The following NRXN1 variants were observed in gnomAD, a reference collection of about 807,000 sequenced individuals.
The protein encoded by NRXN1 is neurexin 1, also known as neurexin-1.
NRXN1 carries 39 observed loss-of-function variants against 150.9 expected under a neutral mutation model. The observed-to-expected ratio is 0.26, with a 90% CI of 0.20 to 0.34. NRXN1 has a LOEUF of 0.34. Ranked by LOEUF, NRXN1 falls within the 10% of genes least tolerant of loss-of-function variation. The pLI, the probability that NRXN1 is intolerant of heterozygous loss-of-function variation, is 1.00. For missense variants in NRXN1, 1,815 were observed against 1,949.9 expected, an observed-to-expected ratio of 0.93 and a Z score of 1.30; for synonymous variants, 924 against 757.0, an observed-to-expected ratio of 1.22 and a Z score of -3.62.
At chr2:50,778,759 G>A (rs1383708593) in intron 5 of NRXN1, among the ~76,000 whole-genome samples, 1 of 152,176 alleles carries the variant, frequency 6.6e-6, no homozygotes, top group Non-Finnish European at 1.5e-5. Flanking sequence ...ATGTGCATAT[G>A]TTTGTGCAAG....
chr2:50,577,607 G>A (rs992978347), intron 8 of NRXN1, among the ~76,000 whole-genome samples: 1 of 151,970 alleles, frequency 6.6e-6, no homozygotes, highest in African/African-American at 2.4e-5. Context: ...CAATAAAGGA[G>A]AATATACTCC....
intron 5 of NRXN1, among the ~76,000 whole-genome samples, chr2:50,801,670 G>A (rs1707617448): frequency 6.6e-6 from 1 of 151,968 alleles, no homozygotes. Flanking sequence ...TATATAATAG[G>A]TTTCCTAAAT....
At chr2:50,903,125 A>C (rs1007044559) in intron 5 of NRXN1, among the ~76,000 whole-genome samples, 2 of 152,184 alleles carry the variant, frequency 1.3e-5, no homozygotes, top group African/African-American at 4.8e-5. Flanking sequence ...TAATGTTACC[A>C]GGAAGAATAA....
chr2:50,247,105 T>G (rs1309619605), intron 17 of NRXN1, among the ~76,000 whole-genome samples: 1 of 152,062 alleles, frequency 6.6e-6, no homozygotes, highest in African/African-American at 2.4e-5. Context: ...TGATGGAGTA[T>G]CTGCAGCTAT....
chr2:50,661,060 T>G (rs571722540), intron 5 of NRXN1, among the ~76,000 whole-genome samples: 1 of 147,056 alleles, frequency 6.8e-6, no homozygotes, highest in East Asian at 2.1e-4. Flanking sequence ...ACCTCAAGTA[T>G]CAAGTGGTTA....
At chr2:50,266,317 C>G (rs1207119365) in intron 17 of NRXN1, among the ~76,000 whole-genome samples, 3 of 149,760 alleles carry the variant, frequency 2.0e-5, no homozygotes, top group African/African-American at 7.3e-5. Context: ...ATTTTGAGAT[C>G]ACTTGACTCC....
In NRXN1 at chr2:51,028,580, A is replaced by G. The variant is rs1000315468; in HGVS notation, c.-307T>C. 3.1e-5 allele frequency: 10 copies of G among 323,590 alleles called. No homozygotes were observed. The highest frequency in any genetic ancestry group is 2.1e-4 in the African/African-American group (10 of 46,926). The allele number at this position is 323,590 out of a possible 1,614,324, so 20.0% of individuals were successfully genotyped here. ...CAACGTTCTGGAAAAGGCTTCAACAAAAGATCAAGGGAAAGCACTGACCCA... is the reference window on the plus strand; with the variant it reads ...CAACGTTCTGGAAAAGGCTTCAACAGAAGATCAAGGGAAAGCACTGACCCA... On this transcript the variant is annotated 5_prime_UTR_variant, in exon 2 of 23. Coordinates refer to ENST00000401669, the MANE Select transcript of NRXN1 (RefSeq NM_001330078.2).
chr2:50,200,770 T>C (rs2062102655), intron 18 of NRXN1, among the ~76,000 whole-genome samples: 1 of 152,160 alleles, frequency 6.6e-6, no homozygotes, highest in Non-Finnish European at 1.5e-5. Context: ...TTTTCAAAAG[T>C]AAGAGCAACT....
chr2:50,936,695 A>G (rs886797959), intron 2 of NRXN1, among the ~76,000 whole-genome samples: 2 of 152,152 alleles, frequency 1.3e-5, no homozygotes, highest in Non-Finnish European at 2.9e-5. Context: ...TACTGAATAG[A>G]AAGTGTCATC....
chr2:50,433,115 A>T (rs940667500), intron 17 of NRXN1, among the ~76,000 whole-genome samples: 4 of 152,238 alleles, frequency 2.6e-5, no homozygotes, highest in Non-Finnish European at 4.4e-5. Flanking sequence ...AGTGAGGAAA[A>T]GCATAGTTAT....
At chr2:50,687,477 C>T (rs1473064257) in intron 5 of NRXN1, among the ~76,000 whole-genome samples, 5 of 152,102 alleles carry the variant, frequency 3.3e-5, no homozygotes, top group African/African-American at 9.7e-5. Flanking sequence ...CCTCCCTCAA[C>T]GTCAGGCTTT....
intron 17 of NRXN1, among the ~76,000 whole-genome samples, chr2:50,459,549 G>A (rs1196214222): frequency 6.6e-6 from 1 of 152,082 alleles, no homozygotes; most frequent in African/African-American, 2.4e-5. Flanking sequence ...ACTTACAAAT[G>A]GGAACATGTG....
At chr2:50,834,895 T>C (rs1671901327) in intron 5 of NRXN1, among the ~76,000 whole-genome samples, 1 of 152,182 alleles carries the variant, frequency 6.6e-6, no homozygotes, top group Admixed American at 6.5e-5. Context: ...CCCTCACTCT[T>C]GCAGCTTTAA....
intron 17 of NRXN1, among the ~76,000 whole-genome samples, chr2:50,304,915 C>A (rs1027136113): frequency 1.3e-5 from 2 of 152,110 alleles, no homozygotes; most frequent in African/African-American, 4.8e-5. Context: ...CATGTTGAAA[C>A]CCCGTGTCTA....
At chr2:50,311,101 T>C (rs2075140964) in intron 17 of NRXN1, among the ~76,000 whole-genome samples, 1 of 152,094 alleles carries the variant, frequency 6.6e-6, no homozygotes, top group African/African-American at 2.4e-5. Context: ...AGAAATAAGC[T>C]AAGAAGAGTA....
chr2:50,201,196 A>G (rs2062136647), intron 18 of NRXN1, among the ~76,000 whole-genome samples: 2 of 152,226 alleles, frequency 1.3e-5, no homozygotes, highest in South Asian at 4.1e-4. Flanking sequence ...TATGCAATAA[A>G]TTACAATCTA....
intron 5 of NRXN1, among the ~76,000 whole-genome samples, chr2:50,821,173 G>T (rs926992220): frequency 6.6e-6 from 1 of 152,118 alleles, no homozygotes; most frequent in Non-Finnish European, 1.5e-5. Flanking sequence ...GCCAGACTTG[G>T]TTTAATCCAA....
At chr2:50,097,188 G>T (rs1341900706) in intron 18 of NRXN1, among the ~76,000 whole-genome samples, 5 of 152,144 alleles carry the variant, frequency 3.3e-5, no homozygotes, top group Non-Finnish European at 5.9e-5. Context: ...CTCTCTCTGT[G>T]TCTGTTTACT....
chr2:50,811,601 T>C (rs927387380), intron 5 of NRXN1, among the ~76,000 whole-genome samples: 1 of 152,224 alleles, frequency 6.6e-6, no homozygotes, highest in Non-Finnish European at 1.5e-5. Flanking sequence ...CTAGAGTTAC[T>C]TCTGAATATT....
Sources: gnomAD v4.1 joint callset for allele counts (sites outside exome capture counted in the v4.1 genomes callset) on GRCh38, gnomAD v4.1.1 for gene constraint, MANE v1.5 for transcripts, NCBI Gene and HGNC (gene_info 2026-07-23, HGNC 2026-07-21) for gene names.